Variants in KRT15 observed in about 807,000 individuals in gnomAD.
KRT15 encodes the protein keratin 15, also known as keratin, type I cytoskeletal 15.
KRT15 carries 45 observed loss-of-function variants against 46.6 expected under a neutral mutation model. That is an observed-to-expected ratio of 0.97 (90% CI 0.76 to 1.24). KRT15 has a LOEUF of 1.24. KRT15 is among the 50% of genes most tolerant of loss of function. The pLI is 0.00. For missense variants in KRT15, 592 were observed against 588.9 expected (o/e 1.01, Z -0.05); for synonymous variants, 221 against 233.8 (o/e 0.95, Z 0.50).
chr17:41,517,417 G>A (rs1322364351), intron 1 of KRT15: 39 of 515,494 alleles, frequency 7.6e-5, no homozygotes, highest in East Asian at 5.0e-4. Context: ...TCCAGGGCAC[G>A]AAAGACCAAG....
At chr17:41,514,512 A>G in intron 7 of KRT15, 137 bp downstream of exon 7, 2 of 753,808 alleles carry the variant, frequency 2.7e-6, no homozygotes, top group Non-Finnish European at 4.4e-6. Context: ...CCACTGGGGA[A>G]GAGGCATCTA....
intron 6 of KRT15, 46 bp downstream of exon 6, chr17:41,515,426 C>A: frequency 6.4e-7 from 1 of 1,557,146 alleles, no homozygotes. Flanking sequence ...TGCACCCTAG[C>A]CACAAGCAGC....
Position 41,515,911 on chromosome 17 carries a change from T to C in KRT15, c.1000A>G (p.Ile334Val). 2 of 1,614,158 alleles carry C rather than the reference T, an allele frequency of 1.2e-6. No individual in the cohort carries two copies. The highest frequency in any genetic ancestry group is 1.7e-6 in the Non-Finnish European group (2 of 1,179,992). ...DLRRTMQELEIELQSQLSMKA... is the reference protein window; with the variant it reads ...DLRRTMQELEVELQSQLSMKA... The stretch of plus-strand genomic sequence containing the variant: ...ATGCTGAGCTGGGACTGCAGCTCGA[T>C]CTCCAGCTCCTGCATCGTGCGTCTC... The change falls in exon 5 of 8, where the codon ATC becomes GTC. Residue 334 changes from isoleucine to valine, a missense_variant. Coordinates refer to ENST00000254043, the MANE Select transcript of KRT15 (RefSeq NM_002275.4).
chr17:41,516,363 C>G, intron 3 of KRT15, 98 bp from the exon 4 acceptor site: 1 of 1,295,058 alleles, frequency 7.7e-7, no homozygotes, highest in Non-Finnish European at 1.1e-6. Context: ...CCGTAACACA[C>G]CCCAACCGCT....
At chr17:41,514,543 C>G in intron 7 of KRT15, 106 bp downstream of exon 7, 1 of 1,059,022 alleles carries the variant, frequency 9.4e-7, no homozygotes, top group Admixed American at 1.9e-5. Flanking sequence ...ATGTTCCCAC[C>G]TAATGGGATG....
rs1478336712 is a variant in KRT15 at position 41,518,830 on chromosome 17, C to A, written c.-3G>T. 1 of 1,531,642 alleles carries A rather than the reference C, an allele frequency of 6.5e-7. No homozygotes were observed. The highest frequency in any genetic ancestry group is 2.3e-5 in the East Asian group (1 of 44,310). The allele number at this position is 1,531,642 out of a possible 1,614,324, so 94.9% of individuals were successfully genotyped here. Reference sequence around the variant, plus strand: ...GTTTGCAGAAATGTGGTGGTCATGGCCAGGTAGCTGGAGCCCGTGAGTTCT... The same window carrying A: ...GTTTGCAGAAATGTGGTGGTCATGGACAGGTAGCTGGAGCCCGTGAGTTCT... On this transcript the variant is annotated 5_prime_UTR_variant, in exon 1 of 8. Coordinates refer to ENST00000254043, the MANE Select transcript of KRT15 (RefSeq NM_002275.4).
In KRT15 at chr17:41,518,613, C is replaced by G. The variant is rs202086237; in HGVS notation, c.215G>C (p.Gly72Ala). 10 of 1,613,716 alleles carry G rather than the reference C, an allele frequency of 6.2e-6. No homozygotes were observed. The African/African-American group carries it at 1.3e-4, about 22-fold the overall frequency. The change falls in exon 1 of 8, where the codon GGG becomes GCG. Residue 72 changes from glycine (G) to alanine (A), a missense_variant. Coordinates refer to ENST00000254043, the MANE Select transcript of KRT15 (RefSeq NM_002275.4). ...GCCTCCACCGAAAACACTACCAGCC[C>G]CTCCACCAAAGCCACAGACCCTCAT... ...GGMRVCGFGG[G>A]AGSVFGGGFG...
At chr17:41,515,841 C>T in intron 5 of KRT15, 44 bp downstream of exon 5, 1 of 1,613,428 alleles carries the variant, frequency 6.2e-7, no homozygotes, top group Non-Finnish European at 8.5e-7. Context: ...AGAGTGGGAG[C>T]TTCTACCACC....
At position 41,518,718 on chromosome 17, in the gene KRT15, C is replaced by A. The variant is rs776189330; in HGVS notation, c.110G>T (p.Gly37Val). The A allele has an allele frequency of 6.2e-7, 1 of 1,612,158 alleles. No individual in the cohort carries two copies. The highest frequency in any genetic ancestry group is 1.3e-5 in the African/African-American group (1 of 74,734). The change falls in exon 1 of 8, where the codon GGG becomes GTG. Residue 37 changes from glycine to valine, a missense_variant. Transcript: ENST00000254043. Reference protein sequence around the residue: ...GGGFGGGSLSGGGGSRSISAS... With the variant: ...GGGFGGGSLSVGGGSRSISAS... The stretch of plus-strand genomic sequence containing the variant: ...TGAGATACTTCGGCTTCCACCTCCC[C>A]CAGAGAGACTCCCCCCACCAAAGCC...
chr17:41,518,733 C>A lies in KRT15; in HGVS notation c.95G>T (p.Gly32Val). ...TCCACCTCCCCCAGAGAGACTCCCC[C>A]CACCAAAGCCACCTCCCCCAGCCAG... ...SLLAGGGGFG[G>V]GSLSGGGGSR... is the part of the protein sequence containing the mutation. Residue 32 changes from glycine to valine, a missense_variant, in exon 1 of 8, where the codon GGG becomes GTG. Physicochemically the swap from Gly to Val is moderately radical, Grantham distance 109 (BLOSUM62 -3). Transcript: ENST00000254043. 6.2e-7 allele frequency: 1 copy of A among 1,609,126 alleles called. No homozygotes were observed. The highest frequency in any genetic ancestry group is 8.5e-7 in the Non-Finnish European group (1 of 1,177,368).
Position 41,516,163 on chromosome 17 carries a change from G to A in KRT15, c.841C>T (p.Gln281Ter). The A allele has an allele frequency of 1.2e-6, 2 of 1,614,166 alleles. No homozygotes were observed. The highest frequency in any genetic ancestry group is 1.7e-6 in the Non-Finnish European group (2 of 1,180,022). Residue 281 changes from glutamine (Q) to a stop codon, truncating the protein, a stop_gained, in exon 4 of 8, where the codon CAG becomes TAG. Transcript: ENST00000254043. LOFTEE classifies it high-confidence loss of function. ...LTRVLAEMREQYEAMAEKNRR... is the reference protein window; with the variant it reads ...LTRVLAEMRE The stretch of plus-strand genomic sequence containing the variant: ...TTCTTCTCCGCCATGGCCTCGTACT[G>A]CTCCCTCATCTCTGCCAGCACACGG...
chr17:41,515,495 G>A lies in KRT15; in HGVS notation c.1224C>T (p.Ser408=), dbSNP rs756859656. 3 of 1,613,688 alleles carry A rather than the reference G, an allele frequency of 1.9e-6. No individual in the cohort carries two copies. Among genetic ancestry groups the A allele is most frequent in the Non-Finnish European group, 1.7e-6 (2 of 1,180,018 alleles). ...RLEQEIATYR[S]LLEGQDAKMA... The stretch of plus-strand genomic sequence containing the variant: ...ACTTGGCATCCTGGCCCTCGAGCAG[G>A]CTGCGGTAAGTAGCGATCTCCTGCT... The change falls in exon 6 of 8, where the codon AGC becomes AGT. Residue 408 remains serine (S), a synonymous_variant. Transcript: ENST00000254043.
In KRT15 at chr17:41,516,002, C is replaced by T. The variant is rs1346725360; in HGVS notation, c.909G>A (p.Glu303=). 1.9e-6 allele frequency: 3 copies of T among 1,614,202 alleles called. No homozygotes were observed. In the South Asian group the frequency reaches 3.3e-5, roughly 18 times the overall value. The change falls in exon 5 of 8, where the codon GAG becomes GAA. Residue 303 remains glutamate (E), a synonymous_variant. Coordinates refer to ENST00000254043, the MANE Select transcript of KRT15 (RefSeq NM_002275.4). ...TGTTGGAGGCCACCTCTTTGTTCAG[C>T]TCCTCAGTCTGTAGGTCATGCACAA... The part of the protein sequence containing the change: ...VEAWFFSKTE[E]LNKEVASNTE...
Position 41,514,681 on chromosome 17 carries a change from G to T in KRT15, c.1248-7C>A, listed in dbSNP as rs768590170. 6.2e-7 allele frequency: 1 copy of T among 1,613,358 alleles called. No individual in the cohort carries two copies. The highest frequency in any genetic ancestry group is 8.5e-7 in the Non-Finnish European group (1 of 1,179,474). ...GATGGCAATGCCAGCCATCCTGAAAGAAAGAGGGAAGCTGATTTAAGCAAA... is the reference window on the plus strand; with the variant it reads ...GATGGCAATGCCAGCCATCCTGAAATAAAGAGGGAAGCTGATTTAAGCAAA... On this transcript the variant is annotated splice_polypyrimidine_tract_variant and splice_region_variant and intron_variant, in intron 6 of 7. Coordinates refer to ENST00000254043, the MANE Select transcript of KRT15 (RefSeq NM_002275.4).
rs1905396384 is a variant in KRT15, at chr17:41,516,826, CAGGTAGGCT to C, written c.711_719del (p.Ala238_Leu240del). The C allele has an allele frequency of 6.2e-7, 1 of 1,614,096 alleles. No homozygotes were observed. The highest frequency in any genetic ancestry group is 1.1e-5 in the South Asian group (1 of 91,096). On this transcript the variant is annotated inframe_deletion, in exon 3 of 8. Coordinates refer to ENST00000254043, the MANE Select transcript of KRT15 (RefSeq NM_002275.4). Reference sequence around the variant, plus strand: ...CTCTCACCTCTTCGTGGTTCTTCTTCAGGTAGGCTAGCTCCTCATTCAGGCCCTCGATCT... The same window carrying C: ...CTCTCACCTCTTCGTGGTTCTTCTTCAGCTCCTCATTCAGGCCCTCGATCT...
chr17:41,517,236 G>A, intron 1 of KRT15, 71 bp from the exon 2 acceptor site: 4 of 1,316,774 alleles, frequency 3.0e-6, no homozygotes, highest in Non-Finnish European at 4.3e-6. Flanking sequence ...TGCACCCAAG[G>A]CCAGCCCCTC....
chr17:41,517,763 A>G (rs1179759717), intron 1 of KRT15, among the ~76,000 whole-genome samples: 1 of 152,186 alleles, frequency 6.6e-6, no homozygotes, highest in Non-Finnish European at 1.5e-5. Flanking sequence ...ATAGGAAAAG[A>G]CAAGAGGTTC....
intron 6 of KRT15, 117 bp from the exon 7 acceptor site, chr17:41,514,791 C>A: frequency 9.9e-7 from 1 of 1,010,588 alleles, no homozygotes; most frequent in Non-Finnish European, 1.5e-6. Flanking sequence ...ACCACCCACA[C>A]ATCTGACTCC....
chr17:41,515,508 G>A lies in KRT15; in HGVS notation c.1211C>T (p.Ala404Val). Residue 404 changes from alanine (A) to valine (V), a missense_variant, in exon 6 of 8, where the codon GCT becomes GTT. Transcript: ENST00000254043. ...DIKTRLEQEI[A>V]TYRSLLEGQD... ...GCCCTCGAGCAGGCTGCGGTAAGTAGCGATCTCCTGCTCCAGCCGTGTCTT... is the reference window on the plus strand; with the variant it reads ...GCCCTCGAGCAGGCTGCGGTAAGTAACGATCTCCTGCTCCAGCCGTGTCTT... 6.2e-7 allele frequency: 1 copy of A among 1,613,882 alleles called. No individual in the cohort carries two copies.
Sources: gnomAD v4.1 joint callset for allele counts (sites outside exome capture counted in the v4.1 genomes callset) on GRCh38, gnomAD v4.1.1 for gene constraint, MANE v1.5 for transcripts, NCBI Gene and HGNC (gene_info 2026-07-23, HGNC 2026-07-21) for gene names.